The following FAF1 variants were observed in gnomAD, a reference collection of about 807,000 sequenced individuals.
FAF1 encodes the protein FAS-associated factor 1.
In FAF1, 25 loss-of-function variants were observed where a neutral mutation model predicts 92.5. That is an observed-to-expected ratio of 0.27 (90% confidence interval 0.20 to 0.38). The LOEUF (loss-of-function observed/expected upper bound fraction) is 0.38, where lower values mean the gene tolerates loss of function less well. Ranked by LOEUF, FAF1 falls within the 10% of genes least tolerant of loss-of-function variation. The pLI, the probability that FAF1 is intolerant of heterozygous loss-of-function variation, is 1.00. For missense variants in FAF1, 636 were observed against 793.3 expected, an observed-to-expected ratio of 0.80 and a Z score of 2.38; for synonymous variants, 234 against 273.2, an observed-to-expected ratio of 0.86 and a Z score of 1.42.
At chr1:50,765,012 T>C (rs1040563836) in intron 4 of FAF1, among the ~76,000 whole-genome samples, 1 of 152,234 alleles carries the variant, frequency 6.6e-6, no homozygotes, top group Non-Finnish European at 1.5e-5. Flanking sequence ...TAACAATTTA[T>C]CTTACAGATT....
chr1:50,778,332 G>A (rs191051927), intron 4 of FAF1, among the ~76,000 whole-genome samples: 4 of 152,264 alleles, frequency 2.6e-5, no homozygotes, highest in Admixed American at 2.6e-4. Flanking sequence ...GATCTGGGTG[G>A]TGGTGGTTCC....
chr1:50,930,592 T>G (rs865797751), intron 1 of FAF1, among the ~76,000 whole-genome samples: 14 of 152,140 alleles, frequency 9.2e-5, no homozygotes, highest in African/African-American at 3.4e-4. Context: ...TCCCAGCACT[T>G]TGGGAGGCCA....
chr1:50,907,656 T>G (rs1056398759), intron 1 of FAF1, among the ~76,000 whole-genome samples: 7 of 152,100 alleles, frequency 4.6e-5, no homozygotes, highest in South Asian at 2.1e-4. Context: ...GATTTTCTAG[T>G]TTTTTTTCAT....
intron 7 of FAF1, among the ~76,000 whole-genome samples, chr1:50,678,632 T>G (rs905531288): frequency 1.3e-5 from 2 of 149,750 alleles, no homozygotes; most frequent in Non-Finnish European, 3.0e-5. Context: ...ATACAAAAAT[T>G]AGCTGGGCAT....
intron 15 of FAF1, among the ~76,000 whole-genome samples, chr1:50,524,740 C>T (rs1334096776): frequency 6.6e-6 from 1 of 152,120 alleles, no homozygotes; most frequent in Non-Finnish European, 1.5e-5. Flanking sequence ...TTCCATTGGT[C>T]TATGTGTCTG....
intron 15 of FAF1, among the ~76,000 whole-genome samples, chr1:50,512,751 G>GT (rs1160140522): frequency 1.3e-5 from 2 of 152,178 alleles, no homozygotes; most frequent in African/African-American, 2.4e-5. Context: ...ACTTAAAGTA[G>GT]TTTTTTCTAA....
chr1:50,889,561 T>C (rs547466510), intron 1 of FAF1, among the ~76,000 whole-genome samples: 189 of 152,374 alleles, frequency 1.2e-3, no homozygotes, highest in African/African-American at 4.1e-3. Flanking sequence ...TCTGGTATGT[T>C]GTGTCTTTGT....
chr1:50,443,725 G>A (rs1231072684), intron 18 of FAF1, among the ~76,000 whole-genome samples: 3 of 152,154 alleles, frequency 2.0e-5, no homozygotes, highest in Non-Finnish European at 2.9e-5. Context: ...GAATAATGTT[G>A]GTGCAGCCTC....
At chr1:50,551,580 C>T (rs1649311942) in intron 13 of FAF1, among the ~76,000 whole-genome samples, 1 of 152,108 alleles carries the variant, frequency 6.6e-6, no homozygotes, top group Non-Finnish European at 1.5e-5. Flanking sequence ...AATACAGTAG[C>T]GATGAATGGC....
Position 50,437,590 on chromosome 1 carries a change from AC to A in FAF1, c.*3849del, listed in dbSNP as rs1411941816. ...TTTTTATTTATTTATTTTTTTAGAG[AC>A]AGGGTCTTGGTATGTGGTCAGGGCT... On this transcript the variant is annotated 3_prime_UTR_variant, in exon 19 of 19. Transcript: ENST00000396153. The A allele has an allele frequency of 2.0e-5, 3 of 151,826 alleles. No individual in the cohort carries two copies. Among genetic ancestry groups the A allele is most frequent in the African/African-American group, 7.3e-5 (3 of 41,312 alleles). 9.4% of individuals were successfully genotyped at this position (151,826 alleles called of 1,614,324 possible). A position where few individuals can be genotyped will look rare whatever the true frequency, so the allele number is the denominator to read the frequency against.
At chr1:50,676,107 A>T (rs1569738228) in intron 7 of FAF1, among the ~76,000 whole-genome samples, 1 of 152,330 alleles carries the variant, frequency 6.6e-6, no homozygotes. Flanking sequence ...TCATATGAAC[A>T]TTTGAAAATG....
At chr1:50,757,676 C>T (rs758190182) in intron 4 of FAF1, among the ~76,000 whole-genome samples, 5 of 152,162 alleles carry the variant, frequency 3.3e-5, no homozygotes, top group African/African-American at 4.8e-5. Context: ...ATCATACAAA[C>T]GGGTTTCCCT....
chr1:50,842,183 C>G (rs1644261448), intron 2 of FAF1, among the ~76,000 whole-genome samples: 1 of 152,070 alleles, frequency 6.6e-6, no homozygotes, highest in Non-Finnish European at 1.5e-5. Context: ...GGAGTACTGA[C>G]CCTTTCATGT....
At chr1:50,447,586 T>C (rs755196522) in intron 18 of FAF1, among the ~76,000 whole-genome samples, 3 of 152,178 alleles carry the variant, frequency 2.0e-5, no homozygotes, top group South Asian at 2.1e-4. Flanking sequence ...GCACTGTGAG[T>C]TGAAGGGACC....
intron 1 of FAF1, among the ~76,000 whole-genome samples, chr1:50,957,181 C>A (rs958444740): frequency 1.3e-5 from 2 of 152,038 alleles, no homozygotes; most frequent in Admixed American, 1.3e-4. Flanking sequence ...CAATAACATT[C>A]TTTTACCTAT....
At position 50,787,892 on chromosome 1, in the gene FAF1, C is replaced by G. The variant is rs1419676874; in HGVS notation, c.367+108G>C. 4.6e-6 allele frequency: 4 copies of G among 870,902 alleles called. No homozygotes were observed. The African/African-American group carries it at 5.1e-5, about 11-fold the overall frequency. The allele number at this position is 870,902 out of a possible 1,614,324, so 53.9% of individuals were successfully genotyped here. ...TTGGAAAGTTACCAGTTTCAACTTG[C>G]TTTTTTTCCCTTCTTGCACTGGTAG... is the stretch of plus-strand genomic sequence containing the variant. On this transcript the variant is annotated intron_variant, in intron 4 of 18. Transcript: ENST00000396153.
chr1:50,616,211 A>G (rs1221254916), intron 8 of FAF1, among the ~76,000 whole-genome samples: 1 of 152,100 alleles, frequency 6.6e-6, no homozygotes, highest in Non-Finnish European at 1.5e-5. Flanking sequence ...CCATTGGTCT[A>G]TGTGTCTGTT....
At chr1:50,837,403 A>T (rs1644217801) in intron 2 of FAF1, among the ~76,000 whole-genome samples, 1 of 152,162 alleles carries the variant, frequency 6.6e-6, no homozygotes. Context: ...TAACAATTTT[A>T]AACTATTTTA....
intron 2 of FAF1, among the ~76,000 whole-genome samples, chr1:50,816,349 C>G (rs751353246): frequency 1.3e-5 from 2 of 151,622 alleles, no homozygotes; most frequent in Non-Finnish European, 2.9e-5. Flanking sequence ...GGAGTACAGG[C>G]GCCTGCCACT....
Sources: gnomAD v4.1 joint callset for allele counts (sites outside exome capture counted in the v4.1 genomes callset) on GRCh38, gnomAD v4.1.1 for gene constraint, MANE v1.5 for transcripts, NCBI Gene and HGNC (gene_info 2026-07-23, HGNC 2026-07-21) for gene names.